CRACR2A: variants seen among roughly 807,000 people sequenced by gnomAD.
CRACR2A encodes EF-hand calcium-binding domain-containing protein 4B.
Under a neutral mutation model 90.5 loss-of-function variants are expected in CRACR2A, and 79 were observed. The observed-to-expected ratio is 0.87, with a 90% CI of 0.73 to 1.05. CRACR2A has a LOEUF of 1.05. Ranked by LOEUF, CRACR2A falls within the 50% of genes least tolerant of loss-of-function variation. The pLI, the probability that CRACR2A is intolerant of heterozygous loss-of-function variation, is 0.00. For missense variants in CRACR2A, 823 were observed against 897.2 expected, an observed-to-expected ratio of 0.92 and a Z score of 1.06; for synonymous variants, 338 against 356.7, an observed-to-expected ratio of 0.95 and a Z score of 0.59.
Position 3,633,856 on chromosome 12 carries a change from A to G in CRACR2A, c.1603-120T>C. On this transcript the variant is annotated intron_variant, in intron 14 of 19. Transcript: ENST00000440314. The surrounding 1 kb of genome is among the most constrained non-coding windows in gnomAD (Gnocchi z 4.5). ...CCTCAGGAGGTGCAGACCGGCCTCT[A>G]GACCTGCACCAGGAGGCTGCCACAG... is the stretch of plus-strand genomic sequence containing the variant. The G allele has an allele frequency of 7.4e-7, 1 of 1,349,482 alleles. No individual in the cohort carries two copies. Among genetic ancestry groups the G allele is most frequent in the Non-Finnish European group, 1.0e-6 (1 of 994,386 alleles). The allele number at this position is 1,349,482 out of a possible 1,614,324, so 83.6% of individuals were successfully genotyped here. A position where few individuals can be genotyped will look rare whatever the true frequency, so the allele number is the denominator to read the frequency against.
intron 1 of CRACR2A, among the ~76,000 whole-genome samples, chr12:3,743,624 C>T (rs553231837): frequency 6.6e-6 from 1 of 152,224 alleles, no homozygotes; most frequent in African/African-American, 2.4e-5. Flanking sequence ...GTCTGAGCCT[C>T]AGTTTCCTCA....
chr12:3,617,138 C>T (rs866673873), intron 18 of CRACR2A, 108 bp from the exon 19 acceptor site: 15 of 790,282 alleles, frequency 1.9e-5, no homozygotes, highest in African/African-American at 6.8e-5. Context: ...CACTTCCTCT[C>T]GCAGCCCCTT....
At position 3,638,435 on chromosome 12, in the gene CRACR2A, C is replaced by T; in HGVS notation, c.1291G>A (p.Glu431Lys). 19 of 1,543,726 alleles carry T rather than the reference C, an allele frequency of 1.2e-5. No homozygotes were observed. Among genetic ancestry groups the T allele is most frequent in the Non-Finnish European group, 1.7e-5 (19 of 1,141,172 alleles). The change falls in exon 14 of 20, where the codon GAG becomes AAG. Residue 431 changes from glutamate (E) to lysine (K), a missense_variant. By Grantham distance (56) the Glu-to-Lys change is moderately conservative (BLOSUM62 1). Transcript: ENST00000440314. The part of the protein sequence containing the change: ...ILRSQSEEEE[E>K]VFGIPRRSSL... Reference sequence around the variant, plus strand: ...CTTCTCCTTGGGATGCCAAACACCTCCTCCTCCTCCTCTGACTGGCTACTG... The same window carrying T: ...CTTCTCCTTGGGATGCCAAACACCTTCTCCTCCTCCTCTGACTGGCTACTG...
chr12:3,717,752 T>G (rs1946102022), intron 2 of CRACR2A, among the ~76,000 whole-genome samples: 1 of 152,238 alleles, frequency 6.6e-6, no homozygotes. Flanking sequence ...TTATGGATCC[T>G]GGTTGACAGC....
chr12:3,653,296 A>T lies in CRACR2A; in HGVS notation c.1046+916T>A, dbSNP rs138686451. Among the ~76,000 whole-genome samples the T allele has an allele frequency of 1.6e-4, 25 of 152,344 alleles. No homozygotes were observed. In the East Asian group the frequency reaches 4.6e-3, roughly 28 times the overall value. On this transcript the variant is annotated intron_variant, in intron 10 of 19. Transcript: ENST00000440314. ...GCGCCTGGCCCAGGATGATTTAAAG[A>T]TCAAACGAGAGGATGTCAAATTATC...
At chr12:3,687,854 T>C (rs1945589700) in intron 4 of CRACR2A, among the ~76,000 whole-genome samples, 2 of 152,350 alleles carry the variant, frequency 1.3e-5, no homozygotes, top group South Asian at 2.1e-4. Context: ...CCAGCACCTG[T>C]TATTTTTTGG....
chr12:3,640,605 C>G, intron 13 of CRACR2A: 4 of 1,300,846 alleles, frequency 3.1e-6, no homozygotes, highest in Non-Finnish European at 4.1e-6. Flanking sequence ...CATTATTCAG[C>G]TATTTAGAAC....
chr12:3,730,957 T>C (rs921671521), intron 2 of CRACR2A: 4 of 152,184 alleles, frequency 2.6e-5, no homozygotes, highest in Non-Finnish European at 4.4e-5. Context: ...ACAAAAACAC[T>C]GTATACACCA....
chr12:3,693,633 G>A (rs1591692420), intron 4 of CRACR2A, among the ~76,000 whole-genome samples: 1 of 152,102 alleles, frequency 6.6e-6, no homozygotes, highest in African/African-American at 2.4e-5. Flanking sequence ...TTGAATATTG[G>A]CCCCCAATCT....
At chr12:3,709,738 C>A (rs567522484) in intron 3 of CRACR2A, among the ~76,000 whole-genome samples, 2 of 152,240 alleles carry the variant, frequency 1.3e-5, no homozygotes, top group African/African-American at 4.8e-5. Flanking sequence ...GACTGTGCCA[C>A]TGCACTCTGG....
chr12:3,712,974 AC>A (rs1946028172), intron 3 of CRACR2A, among the ~76,000 whole-genome samples: 1 of 150,400 alleles, frequency 6.6e-6, no homozygotes, highest in African/African-American at 2.5e-5. Flanking sequence ...AAGTGACAAA[AC>A]CCCCTCTCCC....
chr12:3,719,379 G>A (rs1297061462), intron 2 of CRACR2A, among the ~76,000 whole-genome samples: 1 of 152,158 alleles, frequency 6.6e-6, no homozygotes, highest in Non-Finnish European at 1.5e-5. Flanking sequence ...TAAATCACCA[G>A]ATCCTGTCCA....
intron 4 of CRACR2A, among the ~76,000 whole-genome samples, chr12:3,680,914 T>A (rs923993043): frequency 2.0e-5 from 3 of 151,984 alleles, no homozygotes; most frequent in Non-Finnish European, 4.4e-5. Flanking sequence ...AAGCATTCAA[T>A]ATAAAGTAGT....
In CRACR2A at chr12:3,697,005, T is replaced by C. The variant is rs1363280408; in HGVS notation, c.-6A>G. On this transcript the variant is annotated 5_prime_UTR_variant, in exon 4 of 20. Coordinates refer to ENST00000440314, the MANE Select transcript of CRACR2A (RefSeq NM_001144958.2). ...CTCCCGTCAGGGGCAGCCATCGCGATTAGTCAGTTTCTTGAAGTCTTTTTC... is the reference window on the plus strand; with the variant it reads ...CTCCCGTCAGGGGCAGCCATCGCGACTAGTCAGTTTCTTGAAGTCTTTTTC... 1 of 1,604,012 alleles carries C rather than the reference T, an allele frequency of 6.2e-7. No individual in the cohort carries two copies. The highest frequency in any genetic ancestry group is 1.1e-5 in the South Asian group (1 of 89,794).
At chr12:3,651,877 T>G (rs1263679880) in intron 10 of CRACR2A, among the ~76,000 whole-genome samples, 1 of 152,128 alleles carries the variant, frequency 6.6e-6, no homozygotes, top group African/African-American at 2.4e-5. Context: ...ACCCAGAGCA[T>G]CAAAGCCCTC....
intron 2 of CRACR2A, among the ~76,000 whole-genome samples, chr12:3,715,968 C>G (rs77945819): frequency 0.011 from 1,740 of 152,170 alleles, 39 homozygotes; most frequent in African/African-American, 0.039. Context: ...TGATTTCCCA[C>G]CAAACCTCTC....
chr12:3,725,706 C>T (rs183897136), intron 2 of CRACR2A, among the ~76,000 whole-genome samples: 43 of 152,286 alleles, frequency 2.8e-4, no homozygotes, highest in African/African-American at 8.4e-4. Context: ...ACTCCAGATG[C>T]GTGGGCCTCA....
chr12:3,694,317 A>G (rs1249867246), intron 4 of CRACR2A, among the ~76,000 whole-genome samples: 1 of 152,166 alleles, frequency 6.6e-6, no homozygotes, highest in Non-Finnish European at 1.5e-5. Context: ...CTAGCTCCTC[A>G]GCCTCCTGTG....
chr12:3,718,392 G>A lies in CRACR2A; in HGVS notation c.-117-5075C>T, dbSNP rs534684429. On this transcript the variant is annotated intron_variant, in intron 2 of 19. Coordinates refer to ENST00000440314, the MANE Select transcript of CRACR2A (RefSeq NM_001144958.2). ...AGGCAGCATTCTCTCTCAAGCAGCC[G>A]GGCTTGCAGGGATGCTCTTCTCCCA... Among the ~76,000 whole-genome samples, 51 of 152,226 alleles carry A rather than the reference G, an allele frequency of 3.4e-4. 1 individual carries two copies. In the South Asian group the frequency reaches 9.8e-3, roughly 29 times the overall value.
Sources: allele counts gnomAD v4.1 joint callset (sites outside exome capture counted in the v4.1 genomes callset), GRCh38; gene constraint gnomAD v4.1.1; non-coding constraint Gnocchi (gnomAD v3.1); transcripts MANE v1.5; gene names NCBI Gene and HGNC (gene_info 2026-07-23, HGNC 2026-07-21).